Variants in RUNX1 observed in about 807,000 individuals in gnomAD.
The protein encoded by RUNX1 is RUNX family transcription factor 1.
RUNX1 carries 19 observed loss-of-function variants against 42.8 expected under a neutral mutation model. That is an observed-to-expected ratio of 0.44 (90% CI 0.31 to 0.65). RUNX1 has a LOEUF of 0.65. RUNX1 is among the 30% of genes least tolerant of loss of function. The pLI is 0.07. For missense variants in RUNX1, 528 were observed against 672.0 expected (o/e 0.79, Z 2.37); for synonymous variants, 271 against 289.4 (o/e 0.94, Z 0.64).
intron 2 of RUNX1, among the ~76,000 whole-genome samples, chr21:35,027,167 C>T (rs745578013): frequency 6.6e-6 from 1 of 152,192 alleles, no homozygotes; most frequent in Non-Finnish European, 1.5e-5. Flanking sequence ...GGGTGAAGCC[C>T]GCACCCTACC....
chr21:34,945,058 A>G (rs537203097), intron 2 of RUNX1, among the ~76,000 whole-genome samples: 2 of 152,334 alleles, frequency 1.3e-5, no homozygotes, highest in Admixed American at 1.3e-4. Flanking sequence ...TATTTCATGG[A>G]GAACAGGCAT....
intron 2 of RUNX1, among the ~76,000 whole-genome samples, chr21:35,030,901 A>T (rs1315802317): frequency 6.6e-6 from 1 of 152,250 alleles, no homozygotes; most frequent in Admixed American, 6.5e-5. Context: ...AATGTGATTT[A>T]AAAACTGGGC....
At chr21:34,889,400 GC>G (rs2058048887) in intron 3 of RUNX1, among the ~76,000 whole-genome samples, 1 of 144,172 alleles carries the variant, frequency 6.9e-6, no homozygotes, top group Non-Finnish European at 1.6e-5. Flanking sequence ...TTTTACCGCT[GC>G]GCCCGGGCCG....
chr21:34,913,900 G>A (rs758175402), intron 2 of RUNX1, among the ~76,000 whole-genome samples: 14 of 152,272 alleles, frequency 9.2e-5, no homozygotes, highest in Admixed American at 2.0e-4. Flanking sequence ...TACATGGCGT[G>A]TTGTCTAAAA....
chr21:34,814,367 A>T (rs1021222727), intron 7 of RUNX1, among the ~76,000 whole-genome samples: 1 of 152,176 alleles, frequency 6.6e-6, no homozygotes, highest in African/African-American at 2.4e-5. Context: ...GGCGACAGGG[A>T]TCACACTGTC....
At chr21:34,972,110 T>C (rs566102692) in intron 2 of RUNX1, among the ~76,000 whole-genome samples, 207 of 152,350 alleles carry the variant, frequency 1.4e-3, no homozygotes, top group African/African-American at 4.5e-3. Flanking sequence ...TCCATTTATA[T>C]GGCACCTGGA....
intron 4 of RUNX1, among the ~76,000 whole-genome samples, chr21:34,882,732 T>C (rs1462121355): frequency 6.6e-6 from 1 of 152,138 alleles, no homozygotes; most frequent in Admixed American, 6.5e-5. Flanking sequence ...GCTTGCTTTA[T>C]TTTGCTCTTT....
At chr21:34,949,945 A>G (rs1569120295) in intron 2 of RUNX1, among the ~76,000 whole-genome samples, 1 of 152,226 alleles carries the variant, frequency 6.6e-6, no homozygotes, top group Non-Finnish European at 1.5e-5. Context: ...GGGCTTTGAC[A>G]TCTTGTGCTG....
At chr21:34,849,417 T>TTA (rs1555892787) in intron 6 of RUNX1, among the ~76,000 whole-genome samples, 1 of 45,526 alleles carries the variant, frequency 2.2e-5, no homozygotes, top group Middle Eastern at 6.6e-3. Context: ...ATATAATATA[T>TTA]TATATAGTAT....
chr21:35,013,002 C>T (rs1483741586), intron 2 of RUNX1, among the ~76,000 whole-genome samples: 1 of 152,196 alleles, frequency 6.6e-6, no homozygotes, highest in Non-Finnish European at 1.5e-5. Flanking sequence ...TTTACAAAAT[C>T]AGGCTCAGGC....
chr21:34,853,473 C>A (rs1265195403), intron 6 of RUNX1, among the ~76,000 whole-genome samples: 1 of 152,204 alleles, frequency 6.6e-6, no homozygotes, highest in Non-Finnish European at 1.5e-5. Flanking sequence ...TTCTTAAAAA[C>A]AGACCCTGGC....
chr21:35,024,876 G>A (rs2059224492), intron 2 of RUNX1, among the ~76,000 whole-genome samples: 1 of 152,098 alleles, frequency 6.6e-6, no homozygotes, highest in Admixed American at 6.6e-5. Flanking sequence ...ATAAGTGATG[G>A]GTCTGATTTT....
intron 2 of RUNX1, among the ~76,000 whole-genome samples, chr21:35,041,034 A>T (rs944244939): frequency 6.6e-6 from 1 of 152,140 alleles, no homozygotes; most frequent in Admixed American, 6.5e-5. Flanking sequence ...CAAGGAGAGG[A>T]GATGACAGAG....
At chr21:34,926,218 T>C (rs1186127320) in intron 2 of RUNX1, among the ~76,000 whole-genome samples, 1 of 152,062 alleles carries the variant, frequency 6.6e-6, no homozygotes, top group Non-Finnish European at 1.5e-5. Flanking sequence ...CTCATACCTG[T>C]AATCCCAGCA....
At chr21:34,884,403 C>A (rs1191384287) in intron 4 of RUNX1, among the ~76,000 whole-genome samples, 2 of 152,134 alleles carry the variant, frequency 1.3e-5, no homozygotes, top group Non-Finnish European at 2.9e-5. Flanking sequence ...TATCATCAGG[C>A]CTTATCATTG....
rs915285970 is a variant in RUNX1 at position 34,789,387 on chromosome 21, T to G, written c.*2748A>C. The G allele has an allele frequency of 1.3e-5, 3 of 233,556 alleles. No individual in the cohort carries two copies. The highest frequency in any genetic ancestry group is 6.6e-5 in the African/African-American group (3 of 45,304). The allele number at this position is 233,556 out of a possible 1,614,324, so 14.5% of individuals were successfully genotyped here. On this transcript the variant is annotated 3_prime_UTR_variant, in exon 9 of 9. Transcript: ENST00000675419. ...TCAGATAGTGAGAAAAAGAAAGAACTGAAATATGTATCCATGTTGAAATCA... is the reference window on the plus strand; with the variant it reads ...TCAGATAGTGAGAAAAAGAAAGAACGGAAATATGTATCCATGTTGAAATCA...
intron 5 of RUNX1, among the ~76,000 whole-genome samples, chr21:34,878,445 C>T (rs566700036): frequency 6.6e-6 from 1 of 151,220 alleles, no homozygotes; most frequent in Non-Finnish European, 1.5e-5. Flanking sequence ...ACAATTGGGT[C>T]AAATGTTCCA....
At chr21:34,891,150 A>C (rs2058076909) in intron 3 of RUNX1, among the ~76,000 whole-genome samples, 1 of 152,340 alleles carries the variant, frequency 6.6e-6, no homozygotes, top group East Asian at 1.9e-4. Context: ...GCGGTCTCCC[A>C]GGAGGGAGTC....
At chr21:34,811,324 A>G (rs2056755785) in intron 7 of RUNX1, among the ~76,000 whole-genome samples, 1 of 152,162 alleles carries the variant, frequency 6.6e-6, no homozygotes, top group Non-Finnish European at 1.5e-5. Flanking sequence ...TGTTTTTCTC[A>G]TGCAGTCCTC....
Sources: allele counts gnomAD v4.1 joint callset (sites outside exome capture counted in the v4.1 genomes callset), GRCh38; gene constraint gnomAD v4.1.1; transcripts MANE v1.5; gene names NCBI Gene and HGNC (gene_info 2026-07-23, HGNC 2026-07-21).